ARB2A: variants seen among roughly 807,000 people sequenced by gnomAD.
The protein encoded by ARB2A is cotranscriptional regulator ARB2A.
the ARB2A span, among the ~76,000 whole-genome samples, chr5:93,972,235 C>T: frequency 6.6e-6 from 1 of 152,136 alleles, no homozygotes; most frequent in Non-Finnish European, 1.5e-5. Flanking sequence ...GTGCTACCTA[C>T]TGACTGTAGC....
the ARB2A span, among the ~76,000 whole-genome samples, chr5:93,802,257 G>A: frequency 2.0e-5 from 3 of 152,004 alleles, no homozygotes; most frequent in Non-Finnish European, 4.4e-5. Flanking sequence ...GGTAAAGTCA[G>A]TTTCTTGTTT....
chr5:93,753,273 T>C, the ARB2A span, among the ~76,000 whole-genome samples: 5 of 152,228 alleles, frequency 3.3e-5, no homozygotes. Flanking sequence ...GAAGTGATTA[T>C]TCACTAACAA....
At chr5:93,675,500 A>G in the ARB2A span, among the ~76,000 whole-genome samples, 2 of 152,242 alleles carry the variant, frequency 1.3e-5, no homozygotes, top group Non-Finnish European at 2.9e-5. Flanking sequence ...ATAAGAAAGC[A>G]AAAGTGATTG....
the ARB2A span, among the ~76,000 whole-genome samples, chr5:94,009,541 T>A: frequency 6.6e-6 from 1 of 152,016 alleles, no homozygotes; most frequent in Non-Finnish European, 1.5e-5. Flanking sequence ...AAATAATACA[T>A]TATTTTTTCT....
At chr5:93,649,578 C>A in the ARB2A span, among the ~76,000 whole-genome samples, 3 of 152,336 alleles carry the variant, frequency 2.0e-5, no homozygotes, top group South Asian at 6.2e-4. Context: ...AACTCCAAAT[C>A]TGTGTATAAA....
At chr5:93,728,601 G>A in the ARB2A span, among the ~76,000 whole-genome samples, 1 of 151,850 alleles carries the variant, frequency 6.6e-6, no homozygotes, top group Non-Finnish European at 1.5e-5. Flanking sequence ...CAGGCCAGTG[G>A]ATCTGCTAAA....
At chr5:93,871,012 G>A in the ARB2A span, among the ~76,000 whole-genome samples, 4 of 152,142 alleles carry the variant, frequency 2.6e-5, no homozygotes, top group African/African-American at 9.7e-5. Context: ...ATGATTATTC[G>A]GATTTGGGTA....
At chr5:93,878,547 C>T in the ARB2A span, among the ~76,000 whole-genome samples, 2 of 151,908 alleles carry the variant, frequency 1.3e-5, no homozygotes, top group African/African-American at 4.8e-5. Flanking sequence ...TTCCACCCTC[C>T]AAAAGCTAAA....
the ARB2A span, among the ~76,000 whole-genome samples, chr5:93,634,388 C>G: frequency 4.7e-5 from 7 of 148,152 alleles, no homozygotes; most frequent in South Asian, 1.5e-3. Context: ...GAGAGTGAGA[C>G]ACTGTCTCAA....
the ARB2A span, among the ~76,000 whole-genome samples, chr5:93,878,678 T>A: frequency 6.6e-6 from 1 of 152,006 alleles, no homozygotes; most frequent in Non-Finnish European, 1.5e-5. Flanking sequence ...TATAAATTGT[T>A]TATAAACATT....
chr5:93,750,476 A>C, the ARB2A span, among the ~76,000 whole-genome samples: 2 of 152,166 alleles, frequency 1.3e-5, no homozygotes, highest in Non-Finnish European at 2.9e-5. Flanking sequence ...GCTTTCCTAC[A>C]TATTGGTTAT....
chr5:93,900,976 T>C, the ARB2A span, among the ~76,000 whole-genome samples: 1 of 152,154 alleles, frequency 6.6e-6, no homozygotes, highest in Non-Finnish European at 1.5e-5. Context: ...TAGGTTTATG[T>C]CATATTCCAA....
chr5:93,875,494 G>C, the ARB2A span, among the ~76,000 whole-genome samples: 1 of 152,098 alleles, frequency 6.6e-6, no homozygotes, highest in African/African-American at 2.4e-5. Context: ...GCCTCCCAAA[G>C]TGCTGGGATT....
chr5:93,752,320 C>T, the ARB2A span, among the ~76,000 whole-genome samples: 11 of 151,986 alleles, frequency 7.2e-5, no homozygotes, highest in Admixed American at 2.0e-4. Context: ...CCTATGGGGG[C>T]AGTAAAAGGA....
the ARB2A span, among the ~76,000 whole-genome samples, chr5:93,904,099 T>C: frequency 2.6e-5 from 4 of 151,850 alleles, no homozygotes; most frequent in Non-Finnish European, 2.9e-5. Flanking sequence ...AGAAAAAACA[T>C]AGGTGACAGT....
the ARB2A span, among the ~76,000 whole-genome samples, chr5:93,810,805 T>C: frequency 6.6e-6 from 1 of 152,074 alleles, no homozygotes; most frequent in Non-Finnish European, 1.5e-5. Context: ...AGCATGGACT[T>C]TGGAGCCAGA....
At chr5:93,958,536 T>C in the ARB2A span, among the ~76,000 whole-genome samples, 3 of 152,080 alleles carry the variant, frequency 2.0e-5, no homozygotes, top group Non-Finnish European at 4.4e-5. Flanking sequence ...GGATTAAAAA[T>C]ATTTTAGAAA....
the ARB2A span, among the ~76,000 whole-genome samples, chr5:93,904,879 T>C: frequency 3.2e-4 from 48 of 151,662 alleles, no homozygotes; most frequent in African/African-American, 1.1e-3. Flanking sequence ...TTGACAAAAT[T>C]TTTCTATTAA....
At chr5:93,969,031 T>C in the ARB2A span, among the ~76,000 whole-genome samples, 1 of 150,162 alleles carries the variant, frequency 6.7e-6, no homozygotes. Flanking sequence ...TTTTTTTTTT[T>C]TTTTTTGCCA....
Sources: gnomAD v4.1 joint callset for allele counts (sites outside exome capture counted in the v4.1 genomes callset) on GRCh38, gnomAD v4.1.1 for gene constraint, MANE v1.5 for transcripts, NCBI Gene and HGNC (gene_info 2026-07-23, HGNC 2026-07-21) for gene names.